NR2C2: variants seen among roughly 807,000 people sequenced by gnomAD.
The protein encoded by NR2C2 is Nuclear hormone receptor TR4.
Under a neutral mutation model 62.9 loss-of-function variants are expected in NR2C2, and 6 were observed. The ratio of observed to expected loss-of-function variants is 0.10; its 90% CI spans 0.05 to 0.19. NR2C2 has a LOEUF of 0.19. NR2C2 is among the 10% of genes least tolerant of loss of function. The probability of loss-of-function intolerance (pLI) is 1.00; values close to 1 mark genes in which losing one functional copy is unlikely to be tolerated. For missense variants in NR2C2, 479 were observed against 762.7 expected (o/e 0.63, Z 4.38); for synonymous variants, 272 against 273.8 (o/e 0.99, Z 0.07).
chr3:15,025,135 T>C (rs1438892227), intron 7 of NR2C2, among the ~76,000 whole-genome samples: 3 of 152,224 alleles, frequency 2.0e-5, no homozygotes, highest in Non-Finnish European at 4.4e-5. Context: ...CAGCACACAT[T>C]CTAGAACAGT....
chr3:14,993,566 C>A (rs145006642), intron 1 of NR2C2, among the ~76,000 whole-genome samples: 40 of 152,212 alleles, frequency 2.6e-4, no homozygotes, highest in African/African-American at 8.4e-4. Flanking sequence ...CTTAGCGGTC[C>A]CATCATAACA....
chr3:14,962,097 T>C (rs1439382999), intron 1 of NR2C2, among the ~76,000 whole-genome samples: 2 of 152,202 alleles, frequency 1.3e-5, no homozygotes, highest in Non-Finnish European at 2.9e-5. Flanking sequence ...AAAGGTGTGA[T>C]TCCCACCTCC....
intron 1 of NR2C2, among the ~76,000 whole-genome samples, chr3:14,981,773 C>T (rs1006470589): frequency 6.6e-6 from 1 of 152,126 alleles, no homozygotes; most frequent in Admixed American, 6.5e-5. Flanking sequence ...CTGAGAGCCC[C>T]TGGCAGGCCA....
chr3:14,997,822 T>A (rs2040875818), intron 1 of NR2C2, among the ~76,000 whole-genome samples: 1 of 152,210 alleles, frequency 6.6e-6, no homozygotes, highest in Admixed American at 6.5e-5. Flanking sequence ...ATTCATTTTT[T>A]AAAAATATAC....
chr3:14,955,171 A>T (rs1002797953), intron 1 of NR2C2, among the ~76,000 whole-genome samples: 1 of 152,236 alleles, frequency 6.6e-6, no homozygotes, highest in East Asian at 1.9e-4. Context: ...AGTTAAGTAA[A>T]AAGTTTTACT....
chr3:15,004,502 A>G, intron 2 of NR2C2: 1 of 1,475,780 alleles, frequency 6.8e-7, no homozygotes, highest in Non-Finnish European at 9.2e-7. Context: ...ATAACTTATT[A>G]CTAATATTGT....
Position 15,039,299 on chromosome 3 carries a change from T to TAA in NR2C2, c.1616+74_1616+75dup, listed in dbSNP as rs2042189088. ...GTGGCTGAGTCTGCAGTTTCTAATA[T>TAA]AAATTATGTTAACCTTTCCATTTTT... On this transcript the variant is annotated intron_variant, in intron 13 of 13. Coordinates refer to ENST00000425241, the MANE Select transcript of NR2C2 (RefSeq NM_001291694.2). 17 of 958,414 alleles carry TAA rather than the reference T, an allele frequency of 1.8e-5. No homozygotes were observed. In the East Asian group the frequency reaches 4.0e-4, roughly 23 times the overall value. 59.4% of individuals were successfully genotyped at this position (958,414 alleles called of 1,614,324 possible). A position where few individuals can be genotyped will look rare whatever the true frequency, so the allele number is the denominator to read the frequency against.
In NR2C2 at chr3:15,039,205, A is replaced by G. The variant is rs996045173; in HGVS notation, c.1594A>G (p.Thr532Ala). The G allele has an allele frequency of 2.5e-5, 41 of 1,613,696 alleles. No homozygotes were observed. The highest frequency in any genetic ancestry group is 3.4e-5 in the Non-Finnish European group (40 of 1,179,750). ...GGAGTTGCAGGACTATGTTCAGAAA[A>G]CCTACTCAGAAGACACCTACCGGTG... ...QMELQDYVQK[T>A]YSEDTYRLAR... The change falls in exon 13 of 14, where the codon ACC (threonine) becomes GCC (alanine). Residue 532 changes from threonine to alanine, a missense_variant. This residue lies in a region of NR2C2 where 162 missense variants were observed against 296.8 expected (regional missense o/e 0.55). Transcript: ENST00000425241.
At chr3:15,042,685 A>G in intron 13 of NR2C2, 149 bp from the exon 14 acceptor site, 1 of 639,216 alleles carries the variant, frequency 1.6e-6, no homozygotes. Context: ...TATAAGAGGA[A>G]CTGTTGAAAT....
chr3:15,005,477 A>G (rs929802943), intron 2 of NR2C2, among the ~76,000 whole-genome samples: 2 of 145,472 alleles, frequency 1.4e-5, no homozygotes, highest in Admixed American at 1.4e-4. Context: ...TCAGCCTCCC[A>G]AAGTGCTGGG....
intron 1 of NR2C2, among the ~76,000 whole-genome samples, chr3:14,988,862 G>A (rs1345293333): frequency 1.3e-5 from 2 of 152,132 alleles, no homozygotes; most frequent in South Asian, 2.1e-4. Flanking sequence ...TTATGTTAGT[G>A]CACATGCAAA....
intron 1 of NR2C2, among the ~76,000 whole-genome samples, chr3:14,991,972 T>A (rs533729493): frequency 6.6e-6 from 1 of 152,062 alleles, no homozygotes; most frequent in South Asian, 2.1e-4. Flanking sequence ...GGTCTTGCAA[T>A]GCTGTCCAGG....
At chr3:14,955,020 A>G (rs185777090) in intron 1 of NR2C2, among the ~76,000 whole-genome samples, 30 of 152,170 alleles carry the variant, frequency 2.0e-4, no homozygotes, top group South Asian at 6.2e-4. Context: ...TAGTAGAGAC[A>G]GGTTTTCACC....
Position 15,043,870 on chromosome 3 carries a change from A to G in NR2C2, c.*862A>G, listed in dbSNP as rs969186485. 3 of 152,262 alleles carry G rather than the reference A, an allele frequency of 2.0e-5. No homozygotes were observed. Among genetic ancestry groups the G allele is most frequent in the Admixed American group, 2.0e-4 (3 of 15,290 alleles). The allele number at this position is 152,262 out of a possible 1,614,324, so 9.4% of individuals were successfully genotyped here. A position where few individuals can be genotyped will look rare whatever the true frequency, so the allele number is the denominator to read the frequency against. On this transcript the variant is annotated 3_prime_UTR_variant, in exon 14 of 14. Transcript: ENST00000425241. Reference sequence around the variant, plus strand: ...ACATTAACTGCCAAATGAGATGTACAGTTCCTCCAGCAAGTGAAAACATCC... The same window carrying G: ...ACATTAACTGCCAAATGAGATGTACGGTTCCTCCAGCAAGTGAAAACATCC...
chr3:14,965,219 A>G (rs2039804953), intron 1 of NR2C2, among the ~76,000 whole-genome samples: 1 of 152,234 alleles, frequency 6.6e-6, no homozygotes, highest in Non-Finnish European at 1.5e-5. Flanking sequence ...ATTTTGTGAT[A>G]GGAATAATTA....
At chr3:15,033,309 A>G (rs1429081624) in intron 10 of NR2C2, among the ~76,000 whole-genome samples, 4 of 152,150 alleles carry the variant, frequency 2.6e-5, no homozygotes, top group Admixed American at 6.5e-5. Context: ...TGTGCAAGTC[A>G]CTTTACCTCT....
intron 1 of NR2C2, among the ~76,000 whole-genome samples, chr3:14,977,305 A>T (rs948067176): frequency 6.6e-6 from 1 of 152,150 alleles, no homozygotes; most frequent in Non-Finnish European, 1.5e-5. Flanking sequence ...CTCATTTTAG[A>T]GGATTATTGT....
chr3:15,030,997 A>T (rs2041965029), intron 9 of NR2C2, among the ~76,000 whole-genome samples: 1 of 152,150 alleles, frequency 6.6e-6, no homozygotes, highest in South Asian at 2.1e-4. Flanking sequence ...GGTAACCATG[A>T]AGCAGGCGTG....
chr3:14,990,216 A>C (rs187586459), intron 1 of NR2C2, among the ~76,000 whole-genome samples: 3 of 152,300 alleles, frequency 2.0e-5, no homozygotes, highest in Admixed American at 2.0e-4. Flanking sequence ...TTGTAGGTTT[A>C]AAAATGTTTT....
Sources: allele counts gnomAD v4.1 joint callset (sites outside exome capture counted in the v4.1 genomes callset), GRCh38; gene constraint gnomAD v4.1.1; regional missense constraint gnomAD v4.1.1; transcripts MANE v1.5; gene names NCBI Gene and HGNC (gene_info 2026-07-23, HGNC 2026-07-21).